The following NAV2 variants were observed in gnomAD, a reference collection of about 807,000 sequenced individuals.
The protein encoded by NAV2 is neuron navigator 2.
Under a neutral mutation model 223.2 loss-of-function variants are expected in NAV2, and 54 were observed. The ratio of observed to expected loss-of-function variants is 0.24; its 90% CI spans 0.19 to 0.30. The LOEUF is 0.30. NAV2 is among the 10% of genes least tolerant of loss of function. The pLI, the probability that NAV2 is intolerant of heterozygous loss-of-function variation, is 1.00. For synonymous variants in NAV2, 1,279 were observed against 1,239.3 expected (o/e 1.03, Z -0.67); for missense variants, 2,806 against 3,147.5 (o/e 0.89, Z 2.60).
At chr11:19,442,850 A>G (rs1328172477) in intron 1 of NAV2, among the ~76,000 whole-genome samples, 1 of 152,188 alleles carries the variant, frequency 6.6e-6, no homozygotes, top group Non-Finnish European at 1.5e-5. Context: ...GTTTCCCTTG[A>G]CTAAAGCAGC....
chr11:19,606,807 T>G (rs57418595), intron 1 of NAV2, among the ~76,000 whole-genome samples: 1,948 of 152,288 alleles, frequency 0.013, 46 homozygotes, highest in East Asian at 0.067. Flanking sequence ...TATTTTTTAT[T>G]GTTTTAGCCT....
In NAV2 at chr11:19,466,173, A is replaced by G. The variant is rs142901026; in HGVS notation, c.75+115146A>G. On this transcript the variant is annotated intron_variant, in intron 1 of 37. Coordinates refer to the NAV2 transcript ENST00000360655. Reference sequence around the variant, plus strand: ...TGTGCCAGATGGGAAGACAGGCAGCATTTATAAAAGCCTTGTCTCTGTGTT... The same window carrying G: ...TGTGCCAGATGGGAAGACAGGCAGCGTTTATAAAAGCCTTGTCTCTGTGTT... 6.0e-3 allele frequency among the ~76,000 whole-genome samples: 918 copies of G among 152,316 alleles called. 6 individuals are homozygous for G. The highest frequency in any genetic ancestry group is 0.021 in the African/African-American group (874 of 41,562).
At position 20,114,720 on chromosome 11, in the gene NAV2, C is replaced by T. The variant is rs1002131701; in HGVS notation, c.7089C>T (p.Phe2363=). The change falls in exon 37 of 38, where the codon TTC becomes TTT. Residue 2363 remains phenylalanine (F), a synonymous_variant. Coordinates refer to ENST00000349880, the MANE Select transcript of NAV2 (RefSeq NM_145117.5). Reference sequence around the variant, plus strand: ...AGTTACGGCCTGAGGATGTCGGCTTCGACGGCTACTCCATGCCTCGGGAGG... The same window carrying T: ...AGTTACGGCCTGAGGATGTCGGCTTTGACGGCTACTCCATGCCTCGGGAGG... ...LLQLRPEDVG[F]DGYSMPREGS... The T allele has an allele frequency of 9.9e-6, 16 of 1,613,962 alleles. No homozygotes were observed. Among genetic ancestry groups the T allele is most frequent in the Non-Finnish European group, 1.3e-5 (15 of 1,180,024 alleles).
At chr11:19,597,790 A>T (rs2135209041) in intron 1 of NAV2, among the ~76,000 whole-genome samples, 1 of 152,258 alleles carries the variant, frequency 6.6e-6, no homozygotes, top group East Asian at 1.9e-4. Flanking sequence ...AGGATCGGGG[A>T]TGCGTGAGGA....
intron 1 of NAV2, among the ~76,000 whole-genome samples, chr11:19,718,484 T>TGC (rs1565200572): frequency 1.3e-5 from 2 of 151,002 alleles, no homozygotes; most frequent in Non-Finnish European, 1.5e-5. Flanking sequence ...AAAGAAAGCA[T>TGC]AGAGGAGGCC....
chr11:20,092,431 C>T (rs921418380), intron 28 of NAV2, 63 bp downstream of exon 28: 299 of 1,523,290 alleles, frequency 2.0e-4, no homozygotes, highest in Middle Eastern at 2.2e-4. Flanking sequence ...GATCTCTAAG[C>T]GAGAACCCCA....
chr11:19,374,203 T>C (rs768194803), intron 1 of NAV2, among the ~76,000 whole-genome samples: 1 of 152,226 alleles, frequency 6.6e-6, no homozygotes, highest in Non-Finnish European at 1.5e-5. Context: ...TTTTTCACTA[T>C]GTATCAATGA....
intron 1 of NAV2, among the ~76,000 whole-genome samples, chr11:19,422,059 C>G (rs908576651): frequency 2.0e-5 from 3 of 152,152 alleles, no homozygotes; most frequent in Non-Finnish European, 2.9e-5. Flanking sequence ...AGCCCAAGAG[C>G]CTGTCAGTCT....
chr11:19,908,269 G>C (rs2043034609), intron 6 of NAV2, among the ~76,000 whole-genome samples: 3 of 152,146 alleles, frequency 2.0e-5, no homozygotes, highest in African/African-American at 4.8e-5. Flanking sequence ...GAGAGCTTTT[G>C]AGGTCCAGGG....
At chr11:19,892,781 G>T (rs953175606) in intron 6 of NAV2, among the ~76,000 whole-genome samples, 187 bp downstream of exon 6, 1 of 152,298 alleles carries the variant, frequency 6.6e-6, no homozygotes, top group Non-Finnish European at 1.5e-5. Flanking sequence ...GGAAAATATT[G>T]TTATAGTCAC....
At chr11:19,887,623 C>T (rs2041125111) in intron 5 of NAV2, among the ~76,000 whole-genome samples, 1 of 152,058 alleles carries the variant, frequency 6.6e-6, no homozygotes. Flanking sequence ...TCAGATATGG[C>T]AGTGTTGGTA....
intron 11 of NAV2, among the ~76,000 whole-genome samples, chr11:20,020,792 T>G (rs2054437595): frequency 6.6e-6 from 1 of 152,178 alleles, no homozygotes; most frequent in Admixed American, 6.5e-5. Flanking sequence ...AAAGACAAGC[T>G]GCTTACGCTG....
chr11:19,955,726 A>C (rs769953568), intron 10 of NAV2, among the ~76,000 whole-genome samples: 1 of 152,242 alleles, frequency 6.6e-6, no homozygotes, highest in Non-Finnish European at 1.5e-5. Context: ...CATAGCAGAC[A>C]GTACCCTGAA....
intron 1 of NAV2, among the ~76,000 whole-genome samples, chr11:19,454,485 G>A (rs907712316): frequency 9.9e-5 from 15 of 152,202 alleles, no homozygotes; most frequent in African/African-American, 3.6e-4. Context: ...TGTGTGCTGG[G>A]CCTGGGGCTT....
intron 1 of NAV2, among the ~76,000 whole-genome samples, chr11:19,726,029 C>T (rs2051208134): frequency 6.6e-6 from 1 of 152,148 alleles, no homozygotes; most frequent in South Asian, 2.1e-4. Context: ...CTGCCGAGGC[C>T]CTCGCCGTTC....
chr11:19,776,398 A>C (rs1359022053), intron 1 of NAV2, among the ~76,000 whole-genome samples: 1 of 152,174 alleles, frequency 6.6e-6, no homozygotes, highest in Non-Finnish European at 1.5e-5. Flanking sequence ...CAGACGAGGA[A>C]ATAAAGGCCA....
At chr11:19,696,558 T>G (rs899146316) in intron 1 of NAV2, among the ~76,000 whole-genome samples, 2 of 152,178 alleles carry the variant, frequency 1.3e-5, no homozygotes, top group Non-Finnish European at 2.9e-5. Context: ...CACAGTGGAG[T>G]CCTCAGCCAG....
rs2063352502 is a variant in NAV2 at position 20,119,213 on chromosome 11, C to A, written c.*955C>A. 1 of 151,926 alleles carries A rather than the reference C, an allele frequency of 6.6e-6. No homozygotes were observed. The highest frequency in any genetic ancestry group is 2.1e-4 in the South Asian group (1 of 4,820). 9.4% of individuals were successfully genotyped at this position (151,926 alleles called of 1,614,324 possible). A position where few individuals can be genotyped will look rare whatever the true frequency, so the allele number is the denominator to read the frequency against. ...TTTTTTTCCCCCTTCCCCTCTTGGT[C>A]AGAATCAATCCTTTGGTGAAAGTAA... On this transcript the variant is annotated 3_prime_UTR_variant, in exon 38 of 38. Coordinates refer to ENST00000349880, the MANE Select transcript of NAV2 (RefSeq NM_145117.5).
At chr11:19,372,567 G>A (rs905657082) in intron 1 of NAV2, among the ~76,000 whole-genome samples, 2 of 152,200 alleles carry the variant, frequency 1.3e-5, no homozygotes, top group Admixed American at 6.5e-5. Context: ...GTCTGGGGGT[G>A]CTTGCAGAGG....
Sources: gnomAD v4.1 joint callset for allele counts (sites outside exome capture counted in the v4.1 genomes callset) on GRCh38, gnomAD v4.1.1 for gene constraint, MANE v1.5 for transcripts, NCBI Gene and HGNC (gene_info 2026-07-23, HGNC 2026-07-21) for gene names.